Variants in SENP6 observed in about 807,000 individuals in gnomAD.
SENP6 encodes the protein SUMO specific peptidase 6, also known as sentrin-specific protease 6.
SENP6 carries 41 observed loss-of-function variants against 134.5 expected under a neutral mutation model. The observed-to-expected ratio is 0.30, with a 90% CI of 0.24 to 0.40. The LOEUF (loss-of-function observed/expected upper bound fraction) is 0.40. Ranked by LOEUF, SENP6 falls within the 10% of genes least tolerant of loss-of-function variation. The pLI is 1.00. For missense variants in SENP6, 1,248 were observed against 1,312.5 expected, an observed-to-expected ratio of 0.95 and a Z score of 0.76; for synonymous variants, 395 against 429.8, an observed-to-expected ratio of 0.92 and a Z score of 1.00.
At chr6:75,611,752 G>C (rs978205374) in intron 1 of SENP6, 6 of 152,178 alleles carry the variant, frequency 3.9e-5, no homozygotes, top group Non-Finnish European at 8.8e-5. Context: ...TTTGGAATAG[G>C]TATCATTGCT....
At chr6:75,669,019 A>G (rs1370858715) in intron 10 of SENP6, among the ~76,000 whole-genome samples, 1 of 152,184 alleles carries the variant, frequency 6.6e-6, no homozygotes, top group Non-Finnish European at 1.5e-5. Context: ...AACAAAACAA[A>G]ACACTTTTAA....
At chr6:75,672,468 T>C (rs2149874769) in intron 11 of SENP6, among the ~76,000 whole-genome samples, 1 of 152,324 alleles carries the variant, frequency 6.6e-6, no homozygotes, top group South Asian at 2.1e-4. Flanking sequence ...AAAATTATAA[T>C]GCTAAATGAA....
At chr6:75,676,147 T>A (rs1248695455) in intron 13 of SENP6, 93 bp downstream of exon 13, 1 of 734,334 alleles carries the variant, frequency 1.4e-6, no homozygotes, top group East Asian at 3.0e-5. Flanking sequence ...CTTTGACAGA[T>A]GCCTTAGGTG....
chr6:75,653,056 G>C (rs1771028866), intron 7 of SENP6, among the ~76,000 whole-genome samples: 1 of 150,880 alleles, frequency 6.6e-6, no homozygotes, highest in Admixed American at 6.6e-5. Context: ...TTTTGACGGA[G>C]TTTCGCTCTT....
At chr6:75,706,939 G>A (rs3798461) in intron 19 of SENP6, among the ~76,000 whole-genome samples, 46,962 of 152,036 alleles carry the variant, frequency 0.31, 7,910 homozygotes, top group African/African-American at 0.45. Flanking sequence ...AAATGTGTAC[G>A]CTTAAACTCT....
chr6:75,688,040 G>A (rs1323118606), intron 16 of SENP6, among the ~76,000 whole-genome samples: 2 of 152,364 alleles, frequency 1.3e-5, no homozygotes, highest in East Asian at 3.9e-4. Flanking sequence ...TTGAGCTGCA[G>A]TGGGCTCCAC....
intron 6 of SENP6, chr6:75,647,364 CAACA>C: frequency 6.1e-6 from 1 of 164,488 alleles, no homozygotes; most frequent in South Asian, 1.6e-4. Context: ...TAATACTTTA[CAACA>C]AACATACTTT....
chr6:75,685,249 T>A (rs1395925393), intron 16 of SENP6, among the ~76,000 whole-genome samples: 1 of 152,244 alleles, frequency 6.6e-6, no homozygotes, highest in Non-Finnish European at 1.5e-5. Context: ...ATCCCCTTTA[T>A]CATTTTTTAT....
At chr6:75,661,506 C>T (rs776252127) in intron 8 of SENP6, among the ~76,000 whole-genome samples, 1 of 152,218 alleles carries the variant, frequency 6.6e-6, no homozygotes, top group Non-Finnish European at 1.5e-5. Flanking sequence ...CATAGGTAAA[C>T]GTGTGCCGTG....
chr6:75,666,983 C>T (rs1772293930), intron 10 of SENP6, 42 bp downstream of exon 10: 2 of 1,383,276 alleles, frequency 1.4e-6, no homozygotes, highest in Non-Finnish European at 2.0e-6. Flanking sequence ...ATTAATGCCT[C>T]CATTTTGGGG....
chr6:75,713,074 A>G (rs1775845344), intron 21 of SENP6, among the ~76,000 whole-genome samples: 1 of 152,084 alleles, frequency 6.6e-6, no homozygotes, highest in Admixed American at 6.6e-5. Context: ...GCTGCTTCAC[A>G]TGGTGACAGA....
intron 5 of SENP6, among the ~76,000 whole-genome samples, chr6:75,635,763 A>G (rs913141388): frequency 6.6e-6 from 1 of 152,158 alleles, no homozygotes; most frequent in Non-Finnish European, 1.5e-5. Flanking sequence ...TACATATGGC[A>G]AAAACATGAG....
intron 2 of SENP6, chr6:75,622,835 T>C (rs1176456099): frequency 1.6e-6 from 2 of 1,286,706 alleles, no homozygotes; most frequent in South Asian, 1.2e-5. Flanking sequence ...TTTGAAGTTT[T>C]ATTTGAAGGA....
chr6:75,616,025 A>T (rs1767823854), intron 1 of SENP6, among the ~76,000 whole-genome samples: 1 of 152,048 alleles, frequency 6.6e-6, no homozygotes, highest in African/African-American at 2.4e-5. Flanking sequence ...CACTTTTGTT[A>T]ATCTCTCTTC....
At chr6:75,704,198 C>T (rs1310960404) in intron 19 of SENP6, among the ~76,000 whole-genome samples, 1 of 152,248 alleles carries the variant, frequency 6.6e-6, no homozygotes, top group African/African-American at 2.4e-5. Context: ...CCCAGGAGAA[C>T]GGCACTCAGC....
chr6:75,602,274 G>C lies in SENP6; in HGVS notation c.-251G>C, dbSNP rs1056965055. Reference sequence around the variant, plus strand: ...CGCCGTCGTCGTCGTCGCCGGTCGCGTTCCCCCGGAGAGGCCTGAGAAGCT... The same window carrying C: ...CGCCGTCGTCGTCGTCGCCGGTCGCCTTCCCCCGGAGAGGCCTGAGAAGCT... On this transcript the variant is annotated 5_prime_UTR_variant, in exon 1 of 24. Coordinates refer to ENST00000447266, the MANE Select transcript of SENP6 (RefSeq NM_015571.4). The C allele has an allele frequency of 2.6e-6, 1 of 382,770 alleles. No homozygotes were observed. The highest frequency in any genetic ancestry group is 2.1e-5 in the African/African-American group (1 of 47,628). 23.7% of individuals were successfully genotyped at this position (382,770 alleles called of 1,614,324 possible).
rs114098865 is a variant in SENP6, at chr6:75,661,204, C to A, written c.696+1797C>A. On this transcript the variant is annotated intron_variant, in intron 8 of 23. Transcript: ENST00000447266. Reference sequence around the variant, plus strand: ...CAACACTGAGTTTATTTAATTTTTCCCACGTTGCATGTTTGTAACTCCCTT... The same window carrying A: ...CAACACTGAGTTTATTTAATTTTTCACACGTTGCATGTTTGTAACTCCCTT... Among the ~76,000 whole-genome samples, 1,299 of 152,200 alleles carry A rather than the reference C, an allele frequency of 8.5e-3. 22 individuals carry two copies. Among genetic ancestry groups the A allele is most frequent in the African/African-American group, 0.03 (1,236 of 41,530 alleles).
At chr6:75,669,117 A>C (rs752268330) in intron 10 of SENP6, among the ~76,000 whole-genome samples, 7 of 152,166 alleles carry the variant, frequency 4.6e-5, no homozygotes, top group Non-Finnish European at 1.0e-4. Flanking sequence ...TCGGAGACTG[A>C]GGTGGGCAGA....
intron 1 of SENP6, among the ~76,000 whole-genome samples, chr6:75,619,979 G>C (rs2149827633): frequency 6.6e-6 from 1 of 151,142 alleles, no homozygotes; most frequent in East Asian, 2.0e-4. Flanking sequence ...TGTGATCCCA[G>C]CTACTCCATA....
Sources: allele counts gnomAD v4.1 joint callset (sites outside exome capture counted in the v4.1 genomes callset), GRCh38; gene constraint gnomAD v4.1.1; transcripts MANE v1.5; gene names NCBI Gene and HGNC (gene_info 2026-07-23, HGNC 2026-07-21).